The following MAPDA variants were observed in gnomAD, a reference collection of about 807,000 sequenced individuals.
MAPDA encodes N6-Methyl-AMP deaminase.
chr15:43,337,099 T>C, the MAPDA span, among the ~76,000 whole-genome samples: 1 of 146,252 alleles, frequency 6.8e-6, no homozygotes, highest in Non-Finnish European at 1.5e-5. Flanking sequence ...AAACCCTGTC[T>C]CTACTAAAAA....
chr15:43,353,788 G>A, the MAPDA span: 1 of 152,400 alleles, frequency 6.6e-6, no homozygotes, highest in Non-Finnish European at 1.5e-5. Context: ...TGCTGTACCT[G>A]AAGAGGGTAG....
chr15:43,335,932 G>A, the MAPDA span: 1 of 1,403,462 alleles, frequency 7.1e-7, no homozygotes, highest in Non-Finnish European at 9.6e-7. Flanking sequence ...AAATAGGGTT[G>A]GCATGTGGTG....
At chr15:43,338,181 A>C in the MAPDA span, among the ~76,000 whole-genome samples, 16 of 152,244 alleles carry the variant, frequency 1.1e-4, no homozygotes, top group African/African-American at 3.9e-4. Context: ...TGAAGTGAGA[A>C]GATTCTGTGC....
chr15:43,335,765 G>A, the MAPDA span: 2 of 1,614,012 alleles, frequency 1.2e-6, no homozygotes, highest in East Asian at 2.2e-5. Context: ...CCAGAAGCCA[G>A]ATCTTAAAAT....
the MAPDA span, among the ~76,000 whole-genome samples, chr15:43,334,339 T>C: frequency 1.3e-5 from 2 of 152,062 alleles, no homozygotes; most frequent in South Asian, 2.1e-4. Flanking sequence ...TTTAAAATTT[T>C]ATTTTTGGCC....
chr15:43,337,478 G>A, the MAPDA span, among the ~76,000 whole-genome samples: 2 of 152,176 alleles, frequency 1.3e-5, no homozygotes, highest in African/African-American at 4.8e-5. Context: ...ATACCACTGT[G>A]TTCTCTTATC....
At chr15:43,331,572 G>A in the MAPDA span, among the ~76,000 whole-genome samples, 3 of 152,314 alleles carry the variant, frequency 2.0e-5, no homozygotes, top group Middle Eastern at 3.4e-3. Flanking sequence ...TTGGATACTG[G>A]AGTCAAGAAA....
chr15:43,336,686 G>A, the MAPDA span: 5 of 1,539,338 alleles, frequency 3.2e-6, no homozygotes, highest in Non-Finnish European at 3.5e-6. Flanking sequence ...ATATTCTAAT[G>A]GTAAGACATG....
chr15:43,330,828 C>T, the MAPDA span: 1 of 227,330 alleles, frequency 4.4e-6, no homozygotes, highest in African/African-American at 2.3e-5. Context: ...GAAACCTTGC[C>T]TAAGTCCTTG....
the MAPDA span, chr15:43,332,436 C>T: frequency 6.7e-6 from 1 of 150,020 alleles, no homozygotes; most frequent in African/African-American, 2.4e-5. Flanking sequence ...ACCATAGAAA[C>T]AAATTTATTT....
the MAPDA span, among the ~76,000 whole-genome samples, chr15:43,342,446 TAAAAA>T: frequency 8.8e-6 from 1 of 113,608 alleles, no homozygotes; most frequent in Admixed American, 9.2e-5. Context: ...ATATCCCTTT[TAAAAA>T]AAAAAAAAAA....
the MAPDA span, among the ~76,000 whole-genome samples, chr15:43,342,011 A>T: frequency 0.17 from 25,204 of 151,676 alleles, 2,280 homozygotes; most frequent in Middle Eastern, 0.27. Flanking sequence ...GCTCATTTTC[A>T]TATTTTTAGT....
chr15:43,335,092 T>G, the MAPDA span: 5 of 1,611,400 alleles, frequency 3.1e-6, no homozygotes, highest in Non-Finnish European at 4.2e-6. Flanking sequence ...AGAAGAATCA[T>G]TTTTTTCCTG....
chr15:43,345,883 G>A, the MAPDA span: 3 of 1,614,136 alleles, frequency 1.9e-6, no homozygotes, highest in Non-Finnish European at 2.5e-6. Context: ...AGAAGAGGTG[G>A]CCCTTTAGTA....
the MAPDA span, among the ~76,000 whole-genome samples, chr15:43,349,859 G>A: frequency 6.6e-6 from 1 of 152,180 alleles, no homozygotes; most frequent in Non-Finnish European, 1.5e-5. Context: ...GGGAACCACT[G>A]GCATAGTGAT....
the MAPDA span, among the ~76,000 whole-genome samples, chr15:43,343,397 C>T: frequency 1.3e-5 from 2 of 152,156 alleles, no homozygotes; most frequent in Admixed American, 1.3e-4. Flanking sequence ...CTAGACCACT[C>T]CTCCTCCCTT....
chr15:43,349,274 T>C, the MAPDA span: 2 of 1,251,432 alleles, frequency 1.6e-6, no homozygotes, highest in Admixed American at 3.8e-5. Context: ...CGTTGTTACA[T>C]TCTCCAATGC....
the MAPDA span, chr15:43,330,450 G>A: frequency 3.3e-6 from 5 of 1,535,162 alleles, no homozygotes; most frequent in Non-Finnish European, 4.4e-6. Flanking sequence ...TTGGTGTTCT[G>A]TACCGCGCCT....
chr15:43,343,157 T>G, the MAPDA span: 22 of 966,244 alleles, frequency 2.3e-5, no homozygotes, highest in African/African-American at 3.4e-5. Context: ...GTGTAATGGA[T>G]TTTTTAAAAT....
Sources: allele counts gnomAD v4.1 joint callset (sites outside exome capture counted in the v4.1 genomes callset), GRCh38; gene constraint gnomAD v4.1.1; transcripts MANE v1.5; gene names NCBI Gene and HGNC (gene_info 2026-07-23, HGNC 2026-07-21).